Variants in U2SURP observed in about 807,000 individuals in gnomAD.
U2SURP encodes the protein U2 snRNP associated SURP domain containing.
U2SURP carries 9 observed loss-of-function variants against 144.9 expected under a neutral mutation model. The observed-to-expected ratio is 0.06, with a 90% CI of 0.04 to 0.11. The LOEUF (loss-of-function observed/expected upper bound fraction) is 0.11, where lower values mean the gene tolerates loss of function less well. U2SURP is among the 10% of genes least tolerant of loss of function. The probability of loss-of-function intolerance (pLI) is 1.00; values close to 1 mark genes in which losing one functional copy is unlikely to be tolerated. For synonymous variants in U2SURP, 408 were observed against 396.8 expected (o/e 1.03, Z -0.33); for missense variants, 724 against 1,226.7 (o/e 0.59, Z 6.12).
At chr3:143,012,481 A>T (rs567851787) in intron 3 of U2SURP, 128 bp downstream of exon 3, 41 of 903,894 alleles carry the variant, frequency 4.5e-5, no homozygotes, top group Non-Finnish European at 6.0e-5. Flanking sequence ...TGAAAATAGC[A>T]TTCTTTTTGT....
chr3:143,031,909 A>G (rs1560191556), intron 16 of U2SURP, among the ~76,000 whole-genome samples: 1 of 152,198 alleles, frequency 6.6e-6, no homozygotes, highest in Non-Finnish European at 1.5e-5. Context: ...AGGATCTGCA[A>G]ACTCAGCTCA....
chr3:143,024,519 A>G (rs761448324), intron 13 of U2SURP: 3 of 435,614 alleles, frequency 6.9e-6, no homozygotes, highest in Non-Finnish European at 1.4e-5. Context: ...CACTGGACAT[A>G]CTAGAAACTT....
At chr3:143,051,338 C>T (rs182804252) in intron 25 of U2SURP, among the ~76,000 whole-genome samples, 2 of 152,280 alleles carry the variant, frequency 1.3e-5, no homozygotes, top group Admixed American at 1.3e-4. Flanking sequence ...GGACAAGTCA[C>T]ATTTTGTGAC....
At chr3:143,028,706 T>G in intron 16 of U2SURP, 60 bp downstream of exon 16, 3 of 1,418,200 alleles carry the variant, frequency 2.1e-6, no homozygotes, top group Non-Finnish European at 2.9e-6. Context: ...GTTGCTTTAA[T>G]TAATGGTCTT....
intron 7 of U2SURP, 69 bp from the exon 8 acceptor site, chr3:143,020,530 A>C: frequency 1.3e-4 from 116 of 912,874 alleles, no homozygotes; most frequent in Non-Finnish European, 1.8e-4. Context: ...GTAATTTGAT[A>C]AGCGCTATTC....
rs73157682 is a variant in U2SURP at position 143,005,304 on chromosome 3, A to G, written c.45+3631A>G. ...TTAACAAAAAGTATCACTTTTAAGA[A>G]ATAAGTAAACTGAGGACCTGTTCAA... On this transcript the variant is annotated intron_variant, in intron 1 of 27. Coordinates refer to ENST00000473835, the MANE Select transcript of U2SURP (RefSeq NM_001080415.2). Among the ~76,000 whole-genome samples the G allele has an allele frequency of 8.2e-3, 1,255 of 152,324 alleles. 11 individuals carry two copies. Among genetic ancestry groups the G allele is most frequent in the Non-Finnish European group, 0.015 (1,005 of 68,040 alleles).
Position 143,011,786 on chromosome 3 carries a change from G to T in U2SURP, c.91-436G>T, listed in dbSNP as rs563912522. Among the ~76,000 whole-genome samples the T allele has an allele frequency of 2.6e-5, 4 of 152,132 alleles. No homozygotes were observed. In the East Asian group the frequency reaches 5.8e-4, roughly 22 times the overall value. On this transcript the variant is annotated intron_variant, in intron 2 of 27. Transcript: ENST00000473835. ...TTTGTGTAGTTCGTCTTAATATTCT[G>T]TGTGATAAAATAAGAAGTACGTATA... is the stretch of plus-strand genomic sequence containing the variant.
chr3:143,051,419 G>T, intron 25 of U2SURP, among the ~76,000 whole-genome samples: 1 of 152,016 alleles, frequency 6.6e-6, no homozygotes, highest in East Asian at 1.9e-4. Context: ...GGAAGTTCTG[G>T]TGTTGAGAAG....
At chr3:143,025,699 G>A (rs1372951041) in intron 13 of U2SURP, 3 of 151,998 alleles carry the variant, frequency 2.0e-5, no homozygotes, top group Non-Finnish European at 4.4e-5. Flanking sequence ...TTAGTTTTTT[G>A]TTTTGACAAT....
chr3:143,016,754 A>C, intron 5 of U2SURP, 88 bp from the exon 6 acceptor site: 1 of 1,179,436 alleles, frequency 8.5e-7, no homozygotes, highest in Non-Finnish European at 1.1e-6. Context: ...TACTAAAAGC[A>C]TTTTACTAAT....
At position 143,056,906 on chromosome 3, in the gene U2SURP, C is replaced by T. The variant is rs1306184440; in HGVS notation, c.*456C>T. 6.2e-6 allele frequency: 1 copy of T among 162,022 alleles called. No individual in the cohort carries two copies. Among genetic ancestry groups the T allele is most frequent in the Admixed American group, 5.9e-5 (1 of 17,022 alleles). 10.0% of individuals were successfully genotyped at this position (162,022 alleles called of 1,614,324 possible). A position where few individuals can be genotyped will look rare whatever the true frequency, so the allele number is the denominator to read the frequency against. ...CCTTAAAGTCCTACTGAGTTTCACA[C>T]TACTGTTGTGCTTCTTATACCTGAT... On this transcript the variant is annotated 3_prime_UTR_variant, in exon 28 of 28. Coordinates refer to ENST00000473835, the MANE Select transcript of U2SURP (RefSeq NM_001080415.2).
At chr3:143,013,864 G>A (rs113344020) in intron 3 of U2SURP, among the ~76,000 whole-genome samples, 1 of 151,968 alleles carries the variant, frequency 6.6e-6, no homozygotes. Flanking sequence ...AAAAATAAGT[G>A]ATTTATAATA....
At chr3:143,027,491 T>C (rs560801634) in intron 14 of U2SURP, among the ~76,000 whole-genome samples, 3 of 152,294 alleles carry the variant, frequency 2.0e-5, no homozygotes, top group Admixed American at 1.3e-4. Context: ...TTCTGTCTCT[T>C]AGTAATTTCA....
At chr3:143,024,356 A>G (rs1933004171) in intron 13 of U2SURP, 1 of 370,776 alleles carries the variant, frequency 2.7e-6, no homozygotes, top group Non-Finnish European at 5.1e-6. Context: ...ATAACGTTAC[A>G]GTTTGACCCA....
chr3:143,005,203 C>CAG (rs10656257), intron 1 of U2SURP, among the ~76,000 whole-genome samples: 103,978 of 149,160 alleles, frequency 0.7, 36,521 homozygotes, highest in African/African-American at 0.82. Context: ...ATGGATAAAA[C>CAG]AAAATACTAC....
chr3:143,028,946 T>G (rs1199457646), intron 16 of U2SURP, among the ~76,000 whole-genome samples: 4 of 152,196 alleles, frequency 2.6e-5, no homozygotes, highest in Non-Finnish European at 4.4e-5. Flanking sequence ...GGAGGATCCC[T>G]AGAATTCTTG....
chr3:143,003,265 C>G (rs902484777), intron 1 of U2SURP, among the ~76,000 whole-genome samples: 2 of 152,146 alleles, frequency 1.3e-5, no homozygotes, highest in African/African-American at 4.8e-5. Context: ...TAGCAGATTT[C>G]TTACTGATGT....
Position 143,043,148 on chromosome 3 carries a change from A to C in U2SURP, c.2416A>C (p.Thr806Pro). ...QEEESEDEED[T>P]QSSKSEEHHL... ...AGAAGAAAGTGAAGATGAAGAAGAT[A>C]CTCAAAGTTCCAAATCTGAAGAACA... Residue 806 changes from threonine (T) to proline (P), a missense_variant, in exon 24 of 28, where the codon ACT (threonine) becomes CCT (proline). This residue lies in a region of U2SURP where 50 missense variants were observed against 48.0 expected (regional missense o/e 1.04). Coordinates refer to ENST00000473835, the MANE Select transcript of U2SURP (RefSeq NM_001080415.2). 6.2e-7 allele frequency: 1 copy of C among 1,604,594 alleles called. No homozygotes were observed. Among genetic ancestry groups the C allele is most frequent in the Non-Finnish European group, 8.5e-7 (1 of 1,175,676 alleles).
chr3:143,035,881 T>A, intron 19 of U2SURP, 101 bp from the exon 20 acceptor site: 1 of 1,317,288 alleles, frequency 7.6e-7, no homozygotes, highest in Non-Finnish European at 1.0e-6. Flanking sequence ...AACATCAGTT[T>A]AAAGGCAAAT....
Sources: allele counts gnomAD v4.1 joint callset (sites outside exome capture counted in the v4.1 genomes callset), GRCh38; gene constraint gnomAD v4.1.1; regional missense constraint gnomAD v4.1.1; transcripts MANE v1.5; gene names NCBI Gene and HGNC (gene_info 2026-07-23, HGNC 2026-07-21).